LRRC75A: variants seen among roughly 807,000 people sequenced by gnomAD.
The protein encoded by LRRC75A is leucine rich repeat containing 75A.
A neutral mutation model predicts 26.0 loss-of-function variants in LRRC75A; 12 were observed. The observed-to-expected ratio is 0.46, with a 90% CI of 0.30 to 0.75. The LOEUF is 0.75. Ranked by LOEUF, LRRC75A falls within the 30% of genes least tolerant of loss-of-function variation. The pLI, the probability that LRRC75A is intolerant of heterozygous loss-of-function variation, is 0.08. For synonymous variants in LRRC75A, 223 were observed against 219.3 expected (o/e 1.02, Z -0.15); for missense variants, 410 against 486.6 (o/e 0.84, Z 1.48).
In LRRC75A at chr17:16,491,700, G is replaced by A; in HGVS notation, c.246+45C>T. 2.9e-6 allele frequency: 3 copies of A among 1,020,894 alleles called. No homozygotes were observed. Among genetic ancestry groups the A allele is most frequent in the Non-Finnish European group, 3.8e-6 (3 of 791,798 alleles). The allele number at this position is 1,020,894 out of a possible 1,614,324, so 63.2% of individuals were successfully genotyped here. A position where few individuals can be genotyped will look rare whatever the true frequency, so the allele number is the denominator to read the frequency against. On this transcript the variant is annotated intron_variant, in intron 1 of 3. Transcript: ENST00000470794. This position sits in a 1 kb window ranked among gnomAD's most constrained non-coding sequence, Gnocchi z 5.9. ...TGGGGCGCCCCCCCCGGCCCAGCAC[G>A]CCCCCTGGCCCGGCGCGCCCCCCGC...
chr17:16,475,270 T>A (rs1171913109), intron 1 of LRRC75A, among the ~76,000 whole-genome samples: 1 of 152,078 alleles, frequency 6.6e-6, no homozygotes, highest in Admixed American at 6.6e-5. Flanking sequence ...GGAAGTTAAG[T>A]ATTAGCCAGG....
chr17:16,481,171 G>A (rs1434157134), intron 1 of LRRC75A, among the ~76,000 whole-genome samples: 1 of 152,200 alleles, frequency 6.6e-6, no homozygotes, highest in African/African-American at 2.4e-5. Context: ...GTCCTCTGAT[G>A]GCAGCGAGCC....
chr17:16,459,091 C>G (rs534299684), intron 2 of LRRC75A, among the ~76,000 whole-genome samples: 2 of 152,320 alleles, frequency 1.3e-5, no homozygotes, highest in South Asian at 4.1e-4. Context: ...TGTCCTCAAC[C>G]CTTTACTAAA....
Position 16,460,078 on chromosome 17 carries a change from G to C in LRRC75A, c.375+2180C>G, listed in dbSNP as rs2093716030. Among the ~76,000 whole-genome samples, 4 of 152,232 alleles carry C rather than the reference G, an allele frequency of 2.6e-5. No individual in the cohort carries two copies. The South Asian group carries it at 6.2e-4, about 24-fold the overall frequency. On this transcript the variant is annotated intron_variant, in intron 2 of 3. Transcript: ENST00000470794. ...GGCCTTTGGGAGGTGATTAGGCCAG[G>C]GGGGTGGAGCTCTCACAATGGGATT...
At chr17:16,487,301 G>A (rs2093849067) in intron 1 of LRRC75A, among the ~76,000 whole-genome samples, 1 of 152,172 alleles carries the variant, frequency 6.6e-6, no homozygotes, top group Non-Finnish European at 1.5e-5. Flanking sequence ...CTAAAGAAGT[G>A]TTCTTAGGTG....
intron 1 of LRRC75A, among the ~76,000 whole-genome samples, chr17:16,487,677 T>G (rs1368022887): frequency 6.6e-6 from 1 of 152,220 alleles, no homozygotes; most frequent in Non-Finnish European, 1.5e-5. Context: ...TCAAGTCATC[T>G]GCCTGCCTCA....
chr17:16,484,105 A>G (rs1303010813), intron 1 of LRRC75A, among the ~76,000 whole-genome samples: 1 of 152,126 alleles, frequency 6.6e-6, no homozygotes, highest in African/African-American at 2.4e-5. Flanking sequence ...TGGGAGGCTG[A>G]GGTGGGCGGA....
rs1193462006 is a variant in LRRC75A, at chr17:16,443,403, A to G, written c.*185T>C. On this transcript the variant is annotated 3_prime_UTR_variant, in exon 4 of 4. Transcript: ENST00000470794. ...ATGGGATAGGGGGCAGATGCAGAGG[A>G]CCAACGGGAAGTTTTAACACAAATC... 5.5e-5 allele frequency: 31 copies of G among 564,582 alleles called. No individual in the cohort carries two copies. The highest frequency in any genetic ancestry group is 6.3e-5 in the Admixed American group (2 of 31,532). The allele number at this position is 564,582 out of a possible 1,614,324, so 35.0% of individuals were successfully genotyped here.
chr17:16,442,076 A>C lies in LRRC75A; in HGVS notation c.*1512T>G, dbSNP rs1282508906. 2 of 152,532 alleles carry C rather than the reference A, an allele frequency of 1.3e-5. No homozygotes were observed. The highest frequency in any genetic ancestry group is 4.8e-5 in the African/African-American group (2 of 41,472). 9.4% of individuals were successfully genotyped at this position (152,532 alleles called of 1,614,324 possible). On this transcript the variant is annotated 3_prime_UTR_variant, in exon 4 of 4. Transcript: ENST00000470794. ...ATTTCGCCTACTGTTGTCAGATATT[A>C]GCAGTCCAGATATTCGCTCTAGCTT...
At chr17:16,490,960 C>A (rs1228689706) in intron 1 of LRRC75A, among the ~76,000 whole-genome samples, 1 of 152,240 alleles carries the variant, frequency 6.6e-6, no homozygotes, top group Non-Finnish European at 1.5e-5. Flanking sequence ...GGAAAACAAG[C>A]CACAGAGAGG....
At chr17:16,452,037 G>A (rs1464021480) in intron 2 of LRRC75A, among the ~76,000 whole-genome samples, 2 of 150,964 alleles carry the variant, frequency 1.3e-5, no homozygotes, top group Non-Finnish European at 2.9e-5. Flanking sequence ...CGCCCGGCCT[G>A]GAATCTCAGG....
chr17:16,480,591 T>C (rs1434372494), intron 1 of LRRC75A, among the ~76,000 whole-genome samples: 11 of 141,280 alleles, frequency 7.8e-5, no homozygotes, highest in Non-Finnish European at 1.5e-5. Context: ...ATTGCACCAC[T>C]GCACTCTAGC....
intron 3 of LRRC75A, chr17:16,446,826 G>C: frequency 4.0e-6 from 1 of 250,352 alleles, no homozygotes; most frequent in Non-Finnish European, 8.2e-6. Context: ...CCCCATATAT[G>C]TCCCCTCTAC....
intron 1 of LRRC75A, among the ~76,000 whole-genome samples, chr17:16,466,678 T>C (rs567073879): frequency 1.3e-5 from 2 of 152,206 alleles, no homozygotes; most frequent in South Asian, 4.2e-4. Flanking sequence ...CTTTCCGAGC[T>C]GCCGGACCCA....
At chr17:16,456,974 C>G (rs1306827995) in intron 2 of LRRC75A, among the ~76,000 whole-genome samples, 2 of 152,158 alleles carry the variant, frequency 1.3e-5, no homozygotes, top group Non-Finnish European at 2.9e-5. Context: ...CCAGACCTTC[C>G]CAGTGAGGCT....
chr17:16,487,935 C>T (rs1004192959), intron 1 of LRRC75A, among the ~76,000 whole-genome samples: 2 of 152,252 alleles, frequency 1.3e-5, no homozygotes, highest in African/African-American at 4.8e-5. Flanking sequence ...CCATCAGCCT[C>T]TTCTCATGGG....
chr17:16,442,766 CAAG>C lies in LRRC75A; in HGVS notation c.*819_*821del, dbSNP rs1283717346. On this transcript the variant is annotated 3_prime_UTR_variant, in exon 4 of 4. Transcript: ENST00000470794. ...TCAGTGAAGTCATACTGGCAAGTGA[CAAG>C]AAGGAAGCCAGGTTTGTCACTTACC... 2.0e-5 allele frequency: 3 copies of C among 152,076 alleles called. No individual in the cohort carries two copies. In the East Asian group the frequency reaches 5.8e-4, roughly 29 times the overall value. The allele number at this position is 152,076 out of a possible 1,614,324, so 9.4% of individuals were successfully genotyped here.
chr17:16,477,880 T>C (rs2093824827), intron 1 of LRRC75A, among the ~76,000 whole-genome samples: 1 of 151,854 alleles, frequency 6.6e-6, no homozygotes, highest in South Asian at 2.1e-4. Flanking sequence ...GGTTTCTCAG[T>C]GGTCACTGAG....
intron 1 of LRRC75A, among the ~76,000 whole-genome samples, chr17:16,481,576 C>T (rs968319156): frequency 2.0e-5 from 3 of 152,260 alleles, no homozygotes; most frequent in Non-Finnish European, 2.9e-5. Context: ...ACCTGGGCCC[C>T]GGCAGGTGCA....
Sources: gnomAD v4.1 joint callset for allele counts (sites outside exome capture counted in the v4.1 genomes callset) on GRCh38, gnomAD v4.1.1 for gene constraint, Gnocchi (gnomAD v3.1) non-coding constraint, MANE v1.5 for transcripts, NCBI Gene and HGNC (gene_info 2026-07-23, HGNC 2026-07-21) for gene names.